Variants in FUT9 observed in about 807,000 individuals in gnomAD.
The protein encoded by FUT9 is 4-galactosyl-N-acetylglucosaminide 3-alpha-L-fucosyltransferase 9.
FUT9 carries 15 observed loss-of-function variants against 29.7 expected under a neutral mutation model. The observed-to-expected ratio is 0.51, with a 90% confidence interval of 0.34 to 0.78. FUT9 has a LOEUF of 0.78. FUT9 is among the 30% of genes least tolerant of loss of function. FUT9 has a pLI of 0.01. For missense variants in FUT9, 319 were observed against 425.4 expected (o/e 0.75, Z 2.20); for synonymous variants, 169 against 153.7 (o/e 1.10, Z -0.74).
chr6:96,045,362 A>G (rs1770544420), intron 1 of FUT9, among the ~76,000 whole-genome samples: 1 of 152,234 alleles, frequency 6.6e-6, no homozygotes, highest in South Asian at 2.1e-4. Context: ...AAAGTGCCAG[A>G]CAAAATTTGG....
intron 2 of FUT9, among the ~76,000 whole-genome samples, chr6:96,175,012 T>C (rs1280056599): frequency 6.6e-6 from 1 of 152,116 alleles, no homozygotes; most frequent in Non-Finnish European, 1.5e-5. Context: ...AACATTGCTG[T>C]GGACTAAATA....
At chr6:96,046,153 T>G (rs1320481854) in intron 1 of FUT9, among the ~76,000 whole-genome samples, 2 of 13,384 alleles carry the variant, frequency 1.5e-4, no homozygotes, top group Non-Finnish European at 2.5e-4. Context: ...TCAAAGTTGT[T>G]TTTTTTTTTT....
At chr6:96,051,282 G>A (rs1770665108) in intron 1 of FUT9, among the ~76,000 whole-genome samples, 1 of 151,996 alleles carries the variant, frequency 6.6e-6, no homozygotes, top group African/African-American at 2.4e-5. Context: ...CTATGAAATA[G>A]TAATAAAGGA....
At chr6:96,186,961 A>G (rs1313065426) in intron 2 of FUT9, among the ~76,000 whole-genome samples, 7 of 152,144 alleles carry the variant, frequency 4.6e-5, no homozygotes, top group African/African-American at 1.7e-4. Context: ...CACACCCAGA[A>G]AGAATGTTTA....
intron 2 of FUT9, among the ~76,000 whole-genome samples, chr6:96,158,394 G>A (rs1279910254): frequency 6.6e-6 from 1 of 152,098 alleles, no homozygotes; most frequent in Non-Finnish European, 1.5e-5. Context: ...GTATGTATGT[G>A]TGTGTATTTC....
At chr6:96,188,643 A>ATATG (rs1554198919) in intron 2 of FUT9, among the ~76,000 whole-genome samples, 382 of 146,836 alleles carry the variant, frequency 2.6e-3, no homozygotes, top group Middle Eastern at 0.014. Flanking sequence ...ATATATATAT[A>ATATG]TGTGTGTGTG....
chr6:96,086,887 A>G (rs962923811), intron 1 of FUT9, among the ~76,000 whole-genome samples: 1 of 152,196 alleles, frequency 6.6e-6, no homozygotes, highest in African/African-American at 2.4e-5. Flanking sequence ...GCACAGGATG[A>G]TATCAGGACC....
rs568218960 is a variant in FUT9 at position 96,176,865 on chromosome 6, G to T, written c.-8-26283G>T. ...CCTTTGGCGCTATGACTTTTCAGGG[G>T]TCTGGCTGTGACTGCCGCTTAGTCT... On this transcript the variant is annotated intron_variant, in intron 2 of 2. Coordinates refer to ENST00000302103, the MANE Select transcript of FUT9 (RefSeq NM_006581.4). Among the ~76,000 whole-genome samples, 19 of 152,228 alleles carry T rather than the reference G, an allele frequency of 1.2e-4. No homozygotes were observed. The South Asian group carries it at 3.9e-3, about 32-fold the overall frequency.
intron 1 of FUT9, among the ~76,000 whole-genome samples, chr6:96,020,631 T>C (rs73757714): frequency 0.069 from 10,437 of 152,100 alleles, 1,186 homozygotes; most frequent in African/African-American, 0.24. Flanking sequence ...GTATTCTTGG[T>C]TATGGTGGCT....
rs535603381 is a variant in FUT9, at chr6:96,065,258, G to A, written c.-97-48781G>A. Among the ~76,000 whole-genome samples, 8 of 152,170 alleles carry A rather than the reference G, an allele frequency of 5.3e-5. No individual in the cohort carries two copies. In the South Asian group the frequency reaches 1.2e-3, roughly 24 times the overall value. Reference sequence around the variant, plus strand: ...TTCCCATGGTGGGGCAGTCAAGGTCGAACTAATAAAATTCACTGTCTAGTT... The same window carrying A: ...TTCCCATGGTGGGGCAGTCAAGGTCAAACTAATAAAATTCACTGTCTAGTT... On this transcript the variant is annotated intron_variant, in intron 1 of 2. Transcript: ENST00000302103.
intron 1 of FUT9, among the ~76,000 whole-genome samples, chr6:96,087,362 ATTTTT>A (rs55814316): frequency 8.3e-5 from 8 of 96,652 alleles, no homozygotes; most frequent in Admixed American, 1.2e-4. Flanking sequence ...TTCCCCACAA[ATTTTT>A]TTTTTTTTTT....
intron 2 of FUT9, among the ~76,000 whole-genome samples, chr6:96,201,530 C>A (rs914035619): frequency 6.6e-6 from 1 of 151,362 alleles, no homozygotes; most frequent in African/African-American, 2.4e-5. Flanking sequence ...TTGAGTTGAC[C>A]GATTTGTTAA....
At chr6:96,054,124 A>G (rs184574257) in intron 1 of FUT9, among the ~76,000 whole-genome samples, 3 of 152,236 alleles carry the variant, frequency 2.0e-5, no homozygotes, top group Non-Finnish European at 4.4e-5. Flanking sequence ...AAATGACCAT[A>G]TTTCTTAAGG....
intron 2 of FUT9, among the ~76,000 whole-genome samples, chr6:96,168,302 A>G (rs1773050940): frequency 1.3e-5 from 2 of 152,170 alleles, no homozygotes; most frequent in Admixed American, 1.3e-4. Context: ...ATAATTGGTA[A>G]CTTTGCACAT....
chr6:96,033,961 G>GA (rs899398419), intron 1 of FUT9, among the ~76,000 whole-genome samples: 13 of 150,486 alleles, frequency 8.6e-5, no homozygotes, highest in South Asian at 4.2e-4. Flanking sequence ...CCTAAATTAA[G>GA]AAAAAAACCC....
intron 1 of FUT9, among the ~76,000 whole-genome samples, chr6:96,087,337 C>G (rs936147950): frequency 1.3e-5 from 2 of 149,910 alleles, no homozygotes; most frequent in African/African-American, 2.4e-5. Context: ...AACACTGCAA[C>G]AGTAGGTTTA....
At chr6:96,070,874 T>C (rs564158630) in intron 1 of FUT9, among the ~76,000 whole-genome samples, 1 of 152,316 alleles carries the variant, frequency 6.6e-6, no homozygotes, top group African/African-American at 2.4e-5. Flanking sequence ...ATCTGAATTA[T>C]GCATTGCTTT....
chr6:96,135,238 C>G (rs1283963195), intron 2 of FUT9, among the ~76,000 whole-genome samples: 2 of 151,832 alleles, frequency 1.3e-5, no homozygotes, highest in African/African-American at 4.8e-5. Context: ...AGTATATGTA[C>G]AGTACATACT....
chr6:96,084,982 T>C (rs1050159373), intron 1 of FUT9, among the ~76,000 whole-genome samples: 13 of 152,202 alleles, frequency 8.5e-5, no homozygotes, highest in Non-Finnish European at 1.8e-4. Flanking sequence ...CTTGTTTTAC[T>C]GAATAATTTC....
Sources: allele counts gnomAD v4.1 joint callset (sites outside exome capture counted in the v4.1 genomes callset), GRCh38; gene constraint gnomAD v4.1.1; transcripts MANE v1.5; gene names NCBI Gene and HGNC (gene_info 2026-07-23, HGNC 2026-07-21).